The following SLC30A7 variants were observed in gnomAD, a reference collection of about 807,000 sequenced individuals.
SLC30A7 encodes solute carrier family 30 member 7.
SLC30A7 carries 35 observed loss-of-function variants against 46.0 expected under a neutral mutation model. That is an observed-to-expected ratio of 0.76 (90% CI 0.58 to 1.01). The LOEUF (loss-of-function observed/expected upper bound fraction) is 1.01, where lower values mean the gene tolerates loss of function less well. SLC30A7 is among the 50% of genes least tolerant of loss of function. The pLI, the probability that SLC30A7 is intolerant of heterozygous loss-of-function variation, is 0.00. For missense variants in SLC30A7, 464 were observed against 451.1 expected (o/e 1.03, Z -0.26); for synonymous variants, 147 against 157.8 (o/e 0.93, Z 0.51).
rs1218614385 is a variant in SLC30A7 at position 100,975,766 on chromosome 1, T to C, written c.*909T>C. On this transcript the variant is annotated 3_prime_UTR_variant, in exon 11 of 11. Coordinates refer to ENST00000357650, the MANE Select transcript of SLC30A7 (RefSeq NM_133496.5). ...TGGTCTTGATCTCTTGACCTCGTGA[T>C]CCGTCCACCTCAGCCTCCCAAAGTG... 6.6e-6 allele frequency: 1 copy of C among 151,934 alleles called. No individual in the cohort carries two copies. The highest frequency in any genetic ancestry group is 1.5e-5 in the Non-Finnish European group (1 of 67,994). 9.4% of individuals were successfully genotyped at this position (151,934 alleles called of 1,614,324 possible).
rs1656753900 is a variant in SLC30A7, at chr1:100,979,225, C to T, written c.*4368C>T. ...AAAGCATTACCTTTGGAAAGTTAAA[C>T]TTTTTTTTTCCTTTCATCACCGTCT... is the stretch of plus-strand genomic sequence containing the variant. On this transcript the variant is annotated 3_prime_UTR_variant, in exon 11 of 11. Transcript: ENST00000357650. 6.6e-6 allele frequency: 1 copy of T among 150,970 alleles called. No homozygotes were observed. Among genetic ancestry groups the T allele is most frequent in the African/African-American group, 2.4e-5 (1 of 41,100 alleles). 9.4% of individuals were successfully genotyped at this position (150,970 alleles called of 1,614,324 possible).
chr1:100,921,270 A>C (rs1293102840), intron 7 of SLC30A7, among the ~76,000 whole-genome samples: 1 of 152,130 alleles, frequency 6.6e-6, no homozygotes, highest in Non-Finnish European at 1.5e-5. Context: ...AAATGGTAAT[A>C]ATTGTAATCA....
intron 8 of SLC30A7, among the ~76,000 whole-genome samples, chr1:100,961,404 C>T (rs11588568): frequency 0.11 from 16,898 of 152,126 alleles, 1,000 homozygotes; most frequent in Middle Eastern, 0.2. Flanking sequence ...GTGGTTATCG[C>T]CAGGCTTCTA....
At chr1:100,954,065 G>A (rs539239043) in intron 8 of SLC30A7, among the ~76,000 whole-genome samples, 7 of 152,322 alleles carry the variant, frequency 4.6e-5, no homozygotes, top group Admixed American at 4.6e-4. Flanking sequence ...TTAGATGTCA[G>A]TAATCTGCCA....
chr1:100,978,545 C>T lies in SLC30A7; in HGVS notation c.*3688C>T, dbSNP rs947606797. The T allele has an allele frequency of 5.9e-5, 9 of 152,156 alleles. No homozygotes were observed. Among genetic ancestry groups the T allele is most frequent in the African/African-American group, 1.9e-4 (8 of 41,434 alleles). The allele number at this position is 152,156 out of a possible 1,614,324, so 9.4% of individuals were successfully genotyped here. On this transcript the variant is annotated 3_prime_UTR_variant, in exon 11 of 11. Coordinates refer to ENST00000357650, the MANE Select transcript of SLC30A7 (RefSeq NM_133496.5). ...GAAAACCGAAGCCCAGAAAAACTCT[C>T]ATTTGCTCAAAGTCACAGAGAAAAT...
At position 100,976,538 on chromosome 1, in the gene SLC30A7, G is replaced by A. The variant is rs1009495541; in HGVS notation, c.*1681G>A. ...TTAAGTATTCTCTGTGTTTTATGAAGAGAAAATGATCTGATTTTCCCTTAT... is the reference window on the plus strand; with the variant it reads ...TTAAGTATTCTCTGTGTTTTATGAAAAGAAAATGATCTGATTTTCCCTTAT... On this transcript the variant is annotated 3_prime_UTR_variant, in exon 11 of 11. Transcript: ENST00000357650. 3.3e-5 allele frequency: 5 copies of A among 152,144 alleles called. No individual in the cohort carries two copies. Among genetic ancestry groups the A allele is most frequent in the African/African-American group, 1.2e-4 (5 of 41,414 alleles). The allele number at this position is 152,144 out of a possible 1,614,324, so 9.4% of individuals were successfully genotyped here.
At chr1:100,902,940 G>T (rs562534119) in intron 2 of SLC30A7, among the ~76,000 whole-genome samples, 1 of 152,192 alleles carries the variant, frequency 6.6e-6, no homozygotes, top group Admixed American at 6.5e-5. Flanking sequence ...CTAAATAATA[G>T]TGAAATAGAT....
At chr1:100,986,921 T>C in the SLC30A7 span, among the ~76,000 whole-genome samples, 1 of 151,490 alleles carries the variant, frequency 6.6e-6, no homozygotes, top group Non-Finnish European at 1.5e-5. Flanking sequence ...TAATCAAATG[T>C]ATGCAGCCTT....
intron 8 of SLC30A7, among the ~76,000 whole-genome samples, chr1:100,961,384 C>A (rs2101084851): frequency 6.6e-6 from 1 of 152,302 alleles, no homozygotes; most frequent in African/African-American, 2.4e-5. Flanking sequence ...GAGTTCATTT[C>A]ACTGCATCTG....
chr1:100,911,345 CAATT>C (rs1308556709), intron 4 of SLC30A7, among the ~76,000 whole-genome samples, 195 bp downstream of exon 4: 2 of 151,844 alleles, frequency 1.3e-5, no homozygotes, highest in African/African-American at 2.4e-5. Flanking sequence ...GAATTGAAAA[CAATT>C]AAATGATAGT....
At chr1:100,989,024 G>A in the SLC30A7 span, among the ~76,000 whole-genome samples, 2 of 152,076 alleles carry the variant, frequency 1.3e-5, no homozygotes, top group Admixed American at 1.3e-4. Context: ...TAAGTAAAGA[G>A]CTCAGAAAAA....
In SLC30A7 at chr1:100,919,243, G is replaced by T. The variant is rs565221281; in HGVS notation, c.706+1116G>T. 8.6e-5 allele frequency among the ~76,000 whole-genome samples: 13 copies of T among 151,988 alleles called. No individual in the cohort carries two copies. In the East Asian group the frequency reaches 1.9e-3, roughly 23 times the overall value. On this transcript the variant is annotated intron_variant, in intron 7 of 10. Coordinates refer to ENST00000357650, the MANE Select transcript of SLC30A7 (RefSeq NM_133496.5). Reference sequence around the variant, plus strand: ...TTTTTTGTTTTGTTTTGTTTTTGTGGGTGGGGCGGTAGGTTATTAATCAAT... The same window carrying T: ...TTTTTTGTTTTGTTTTGTTTTTGTGTGTGGGGCGGTAGGTTATTAATCAAT...
At chr1:100,991,562 C>T in the SLC30A7 span, among the ~76,000 whole-genome samples, 3 of 151,842 alleles carry the variant, frequency 2.0e-5, no homozygotes, top group East Asian at 1.9e-4. Flanking sequence ...CTGAGGCAGG[C>T]GGATCGCTTG....
At chr1:100,960,675 G>C (rs1164398426) in intron 8 of SLC30A7, among the ~76,000 whole-genome samples, 1 of 152,086 alleles carries the variant, frequency 6.6e-6, no homozygotes, top group East Asian at 1.9e-4. Context: ...AATTCTGTAA[G>C]TTTAAAAGTG....
intron 8 of SLC30A7, among the ~76,000 whole-genome samples, chr1:100,961,374 G>C (rs1464079991): frequency 1.3e-5 from 2 of 152,192 alleles, no homozygotes; most frequent in Non-Finnish European, 2.9e-5. Flanking sequence ...TAGAGGAGCT[G>C]AGTTCATTTC....
intron 3 of SLC30A7, among the ~76,000 whole-genome samples, chr1:100,909,990 C>T (rs562269715): frequency 9.9e-4 from 150 of 152,012 alleles, no homozygotes; most frequent in African/African-American, 3.5e-3. Context: ...TATGTTTTGA[C>T]AAGTAATACG....
Position 100,932,367 on chromosome 1 carries a change from A to C in SLC30A7, c.842+10526A>C, listed in dbSNP as rs547028375. On this transcript the variant is annotated intron_variant, in intron 8 of 10. Transcript: ENST00000357650. ...GAGGTGGAGGTTGCAGTGAGCCGAG[A>C]TTGCGCCACTGCACTTCAGCCTGCG... Among the ~76,000 whole-genome samples, 319 of 152,252 alleles carry C rather than the reference A, an allele frequency of 2.1e-3. 3 individuals carry two copies. The highest frequency in any genetic ancestry group is 7.3e-3 in the African/African-American group (302 of 41,544).
chr1:100,972,263 TCTTTA>T (rs1489191172), intron 10 of SLC30A7: 1 of 345,474 alleles, frequency 2.9e-6, no homozygotes, highest in Non-Finnish European at 6.1e-6. Flanking sequence ...TCCACTTTTC[TCTTTA>T]CTTTAAAGGA....
intron 8 of SLC30A7, among the ~76,000 whole-genome samples, chr1:100,951,802 C>T (rs1043386411): frequency 1.3e-5 from 2 of 152,136 alleles, no homozygotes; most frequent in African/African-American, 4.8e-5. Flanking sequence ...GAAGAATGGC[C>T]CCAAAGATGG....
Sources: allele counts gnomAD v4.1 joint callset (sites outside exome capture counted in the v4.1 genomes callset), GRCh38; gene constraint gnomAD v4.1.1; transcripts MANE v1.5; gene names NCBI Gene and HGNC (gene_info 2026-07-23, HGNC 2026-07-21).